SREBF1: variants seen among roughly 807,000 people sequenced by gnomAD.
SREBF1 encodes the protein sterol regulatory element-binding protein 1.
SREBF1 carries 45 observed loss-of-function variants against 100.1 expected under a neutral mutation model. That is an observed-to-expected ratio of 0.45 (90% CI 0.35 to 0.58). The LOEUF (loss-of-function observed/expected upper bound fraction) is 0.58, where lower values mean the gene tolerates loss of function less well. Among genes scored for constraint, SREBF1 ranks in the 20% least tolerant of loss-of-function variants. The probability of loss-of-function intolerance (pLI) is 0.00; values close to 1 mark genes in which losing one functional copy is unlikely to be tolerated. For synonymous variants in SREBF1, 657 were observed against 681.8 expected, an observed-to-expected ratio of 0.96 and a Z score of 0.57; for missense variants, 1,324 against 1,539.4, an observed-to-expected ratio of 0.86 and a Z score of 2.34.
chr17:17,817,925 C>T lies in SREBF1; in HGVS notation c.1184-9G>A. ...CAGATCCTTCAGAGATTCTGTGGGC[C>T]GAAAGGAACAGAGCCAGGAGTAAAG... is the stretch of plus-strand genomic sequence containing the variant. On this transcript the variant is annotated splice_polypyrimidine_tract_variant and intron_variant, in intron 6 of 18. Coordinates refer to ENST00000261646, the MANE Select transcript of SREBF1 (RefSeq NM_004176.5). This position sits in a 1 kb window ranked among gnomAD's most constrained non-coding sequence, Gnocchi z 6.6. 6.3e-7 allele frequency: 1 copy of T among 1,599,824 alleles called. No individual in the cohort carries two copies. The highest frequency in any genetic ancestry group is 8.5e-7 in the Non-Finnish European group (1 of 1,179,774).
chr17:17,816,203 T>G lies in SREBF1; in HGVS notation c.2214+4A>C. 4.5e-6 allele frequency: 3 copies of G among 666,480 alleles called. No individual in the cohort carries two copies. The highest frequency in any genetic ancestry group is 5.7e-6 in the Non-Finnish European group (3 of 527,962). 41.3% of individuals were successfully genotyped at this position (666,480 alleles called of 1,614,324 possible). ...ATAAGCCCCCAGCCCCCCAACCCAC[T>G]CACTGTCAGAAAATGCAAGGCCCGT... On this transcript the variant is annotated splice_donor_region_variant and intron_variant, in intron 11 of 18. Transcript: ENST00000261646.
intron 1 of SREBF1, among the ~76,000 whole-genome samples, chr17:17,830,022 T>A (rs1406210336): frequency 6.6e-6 from 1 of 152,208 alleles, no homozygotes; most frequent in East Asian, 1.9e-4. Context: ...GTCAGCCCCA[T>A]CCTGTCTCTC....
In SREBF1 at chr17:17,833,530, G is replaced by C. The variant is rs143774353; in HGVS notation, c.91+3197C>G. Among the ~76,000 whole-genome samples the C allele has an allele frequency of 3.2e-3, 473 of 145,952 alleles. 7 individuals carry two copies. Among genetic ancestry groups the C allele is most frequent in the African/African-American group, 0.011 (431 of 38,692 alleles). On this transcript the variant is annotated intron_variant, in intron 1 of 18. Coordinates refer to ENST00000261646, the MANE Select transcript of SREBF1 (RefSeq NM_004176.5). ...GGGGCTGGGAGCAGGAACAGGAACT[G>C]ACTAAAGAAGTATAAGGGATCTCAC...
At position 17,813,720 on chromosome 17, in the gene SREBF1, A is replaced by C; in HGVS notation, c.2951T>G (p.Leu984Arg). 1 of 1,535,960 alleles carries C rather than the reference A, an allele frequency of 6.5e-7. No individual in the cohort carries two copies. The highest frequency in any genetic ancestry group is 1.4e-5 in the African/African-American group (1 of 73,134). The stretch of plus-strand genomic sequence containing the variant: ...GGCCGGGGGCTGCTGCTGCCGCCAC[A>C]GGCTGGTGCGCACCACAAGAAGCAG... ...CDLLLVVRTS[L>R]WRQQQPPAPA... The change falls in exon 17 of 19, where the codon CTG becomes CGG. Residue 984 changes from leucine to arginine, a missense_variant. Leu to Arg is a moderately radical substitution (Grantham distance 102, BLOSUM62 -2). Coordinates refer to ENST00000261646, the MANE Select transcript of SREBF1 (RefSeq NM_004176.5).
At position 17,813,468 on chromosome 17, in the gene SREBF1, A is replaced by T; in HGVS notation, c.3114T>A (p.His1038Gln). The T allele has an allele frequency of 6.2e-7, 1 of 1,601,262 alleles. No individual in the cohort carries two copies. Among genetic ancestry groups the T allele is most frequent in the African/African-American group, 1.3e-5 (1 of 74,810 alleles). Reference sequence around the variant, plus strand: ...CCGCCATCAGCCGGGCCGTGGCCTCATGTAGGAACACCTGGGGGCCAGGAG... The same window carrying T: ...CCGCCATCAGCCGGGCCGTGGCCTCTTGTAGGAACACCTGGGGGCCAGGAG... ...FRPAMRRVFLHEATARLMAGA... is the reference protein window; with the variant it reads ...FRPAMRRVFLQEATARLMAGA... The change falls in exon 18 of 19, where the codon CAT becomes CAA. Residue 1038 changes from histidine (H) to glutamine (Q), a missense_variant. Transcript: ENST00000261646.
Position 17,814,306 on chromosome 17 carries a change from T to G in SREBF1, c.2840A>C (p.Lys947Thr). The G allele has an allele frequency of 6.2e-7, 1 of 1,600,384 alleles. No homozygotes were observed. Among genetic ancestry groups the G allele is most frequent in the Non-Finnish European group, 8.5e-7 (1 of 1,174,246 alleles). Reference sequence around the variant, plus strand: ...GCTGTCCTGCAGGTACCCACTGGCCTTCTCACAGATGGTCAGGCTGGCTGG... The same window carrying G: ...GCTGTCCTGCAGGTACCCACTGGCCGTCTCACAGATGGTCAGGCTGGCTGG... Reference protein sequence around the residue: ...SGPASLTICEKASGYLQDSLA... With the variant: ...SGPASLTICETASGYLQDSLA... The change falls in exon 16 of 19, where the codon AAG becomes ACG. Residue 947 changes from lysine to threonine, a missense_variant. Transcript: ENST00000261646.
At chr17:17,818,667 C>CCTCT in intron 5 of SREBF1, 1 of 550,002 alleles carries the variant, frequency 1.8e-6, no homozygotes, top group South Asian at 2.0e-5. Flanking sequence ...CCTCACCATC[C>CCTCT]TCTTCCTGCT....
chr17:17,812,657 G>C lies in SREBF1; in HGVS notation c.3409C>G (p.Arg1137Gly), dbSNP rs139373457. Reference sequence around the variant, plus strand: ...GTGACAGTGGTCCCACCGCCCAGGCGCATGAGCATCTGCTGACAGTCGTGC... The same window carrying C: ...GTGACAGTGGTCCCACCGCCCAGGCCCATGAGCATCTGCTGACAGTCGTGC... ...LLHDCQQMLM[R>G]LGGGTTVTSS The change falls in exon 19 of 19, where the codon CGC becomes GGC. Residue 1137 changes from arginine (R) to glycine (G), a missense_variant. By Grantham distance (125) the Arg-to-Gly change is moderately radical. Coordinates refer to ENST00000261646, the MANE Select transcript of SREBF1 (RefSeq NM_004176.5). 2.0e-4 allele frequency: 329 copies of C among 1,608,040 alleles called. 3 individuals carry two copies. The East Asian group carries it at 7.3e-3, about 36-fold the overall frequency.
At position 17,813,439 on chromosome 17, in the gene SREBF1, GC is replaced by G; in HGVS notation, c.3142del (p.Ala1048ProfsTer14). The G allele has an allele frequency of 6.3e-7, 1 of 1,592,140 alleles. No homozygotes were observed. Among genetic ancestry groups the G allele is most frequent in the South Asian group, 1.1e-5 (1 of 88,318 alleles). ...HEATARLMAGASPTRTHQLLD... is the reference protein window; with the variant it reads ...HEATARLMAGXSPTRTHQLLD... ...GAGCTGGTGTGTCCGTGTGGGGCTG[GC>G]CCCCGCCATCAGCCGGGCCGTGGCC... is the stretch of plus-strand genomic sequence containing the variant. On this transcript the variant is annotated frameshift_variant, in exon 18 of 19. Transcript: ENST00000261646. LOFTEE classifies it high-confidence loss of function.
At chr17:17,813,825 G>T in intron 16 of SREBF1, 56 bp from the exon 17 acceptor site, 1 of 1,507,066 alleles carries the variant, frequency 6.6e-7, no homozygotes, top group Non-Finnish European at 8.9e-7. Flanking sequence ...GGAGGGGCAG[G>T]ATGGGGGCCC....
chr17:17,815,375 C>G, intron 12 of SREBF1, 46 bp from the exon 13 acceptor site: 1 of 1,519,254 alleles, frequency 6.6e-7, no homozygotes, highest in Non-Finnish European at 9.1e-7. Flanking sequence ...GGGCCCCACC[C>G]TCCTCTCCAA....
chr17:17,829,232 A>C, intron 1 of SREBF1, among the ~76,000 whole-genome samples: 1 of 126,000 alleles, frequency 7.9e-6, no homozygotes, highest in South Asian at 2.3e-4. Context: ...ATATATATAT[A>C]TATGTATACA....
intron 1 of SREBF1, among the ~76,000 whole-genome samples, chr17:17,835,477 A>G (rs2035168660): frequency 6.6e-6 from 1 of 152,210 alleles, no homozygotes; most frequent in South Asian, 2.1e-4. Flanking sequence ...GCAAGGCTGC[A>G]GTAGGGCAGG....
intron 18 of SREBF1, 147 bp from the exon 19 acceptor site, chr17:17,812,998 C>G: frequency 1.4e-6 from 1 of 696,682 alleles, no homozygotes; most frequent in Non-Finnish European, 2.3e-6. Flanking sequence ...CTCTCCCCAC[C>G]CTAGTCTCAG....
At position 17,819,079 on chromosome 17, in the gene SREBF1, GCGCTTCT is replaced by G; in HGVS notation, c.995_1001del (p.Glu332AlafsTer24). 6.2e-7 allele frequency: 1 copy of G among 1,614,064 alleles called. No individual in the cohort carries two copies. Among genetic ancestry groups the G allele is most frequent in the East Asian group, 2.2e-5 (1 of 44,884 alleles). ...TTTTGTCATTGATGGAGGAGCGGTA[GCGCTTCT>G]CAATGGCGTTGTGGGCTGTGCGCTT... On this transcript the variant is annotated frameshift_variant, in exon 5 of 19. Coordinates refer to ENST00000261646, the MANE Select transcript of SREBF1 (RefSeq NM_004176.5). LOFTEE classifies it high-confidence loss of function.
chr17:17,817,999 G>A lies in SREBF1; in HGVS notation c.1184-83C>T, dbSNP rs1208282906. The A allele has an allele frequency of 1.5e-6, 2 of 1,378,708 alleles. No homozygotes were observed. The highest frequency in any genetic ancestry group is 3.4e-5 in the Admixed American group (2 of 59,254). The allele number at this position is 1,378,708 out of a possible 1,614,324, so 85.4% of individuals were successfully genotyped here. A position where few individuals can be genotyped will look rare whatever the true frequency, so the allele number is the denominator to read the frequency against. ...GAGCCTAGGCCCTTGGAGGCCTAGGGACTACTGTAGCTCCTAAAGCTAGCC... is the reference window on the plus strand; with the variant it reads ...GAGCCTAGGCCCTTGGAGGCCTAGGAACTACTGTAGCTCCTAAAGCTAGCC... On this transcript the variant is annotated intron_variant, in intron 6 of 18. Transcript: ENST00000261646. The surrounding 1 kb of genome is among the most constrained non-coding windows in gnomAD (Gnocchi z 6.6).
At chr17:17,835,244 T>G (rs965150257) in intron 1 of SREBF1, among the ~76,000 whole-genome samples, 1 of 152,252 alleles carries the variant, frequency 6.6e-6, no homozygotes, top group East Asian at 1.9e-4. Flanking sequence ...GATGTGGAAC[T>G]GGTAGTTGAG....
At chr17:17,823,251 C>T (rs1470261076) in intron 1 of SREBF1, among the ~76,000 whole-genome samples, 1 of 152,204 alleles carries the variant, frequency 6.6e-6, no homozygotes, top group Non-Finnish European at 1.5e-5. Context: ...GTAGAGAAGA[C>T]CACCCTCTCC....
rs2143013712 is a variant in SREBF1, at chr17:17,817,328, GC to G, written c.1533del (p.Leu512PhefsTer186). ...CTGGTGGTATCTGAGGGGCTGGGAA[GC>G]CCCCGGGCCCCCAGCAAGGAGGCCA... ...NPLASLLGAR[G>X]LPSPSDTTSV... On this transcript the variant is annotated frameshift_variant, in exon 8 of 19. Coordinates refer to ENST00000261646, the MANE Select transcript of SREBF1 (RefSeq NM_004176.5). LOFTEE classifies it high-confidence loss of function. The surrounding 1 kb of genome is among the most constrained non-coding windows in gnomAD (Gnocchi z 6.6). The G allele has an allele frequency of 6.2e-7, 1 of 1,601,246 alleles. No homozygotes were observed. Among genetic ancestry groups the G allele is most frequent in the Non-Finnish European group, 8.5e-7 (1 of 1,175,460 alleles).
Sources: gnomAD v4.1 joint callset for allele counts (sites outside exome capture counted in the v4.1 genomes callset) on GRCh38, gnomAD v4.1.1 for gene constraint, Gnocchi (gnomAD v3.1) non-coding constraint, MANE v1.5 for transcripts, NCBI Gene and HGNC (gene_info 2026-07-23, HGNC 2026-07-21) for gene names.